Variants in CLOCK observed in about 807,000 individuals in gnomAD.
CLOCK encodes clock circadian regulator.
Under a neutral mutation model 118.4 loss-of-function variants are expected in CLOCK, and 43 were observed. The ratio of observed to expected loss-of-function variants is 0.36; its 90% CI spans 0.28 to 0.47. The LOEUF is 0.47. CLOCK is among the 20% of genes least tolerant of loss of function. The pLI is 1.00. For synonymous variants in CLOCK, 326 were observed against 339.2 expected, an observed-to-expected ratio of 0.96 and a Z score of 0.43; for missense variants, 846 against 999.9, an observed-to-expected ratio of 0.85 and a Z score of 2.08.
rs1169378612 is a variant in CLOCK at position 55,435,557 on chromosome 4, A to T, written c.2399T>A (p.Leu800His). Residue 800 changes from leucine (L) to histidine (H), a missense_variant, in exon 23 of 23, where the codon CTC (leucine) becomes CAC (histidine). This residue lies in a region of CLOCK where 520 missense variants were observed against 558.0 expected (regional missense o/e 0.93). Transcript: ENST00000513440. ...RLLHGNPSTQLILSAAFPLQQ... is the reference protein window; with the variant it reads ...RLLHGNPSTQHILSAAFPLQQ... Reference sequence around the variant, plus strand: ...TAGAGGAAATGCAGCAGAGAGAATGAGTTGAGTTGAGGGATTCCCATGGAG... The same window carrying T: ...TAGAGGAAATGCAGCAGAGAGAATGTGTTGAGTTGAGGGATTCCCATGGAG... 6.2e-7 allele frequency: 1 copy of T among 1,613,998 alleles called. No individual in the cohort carries two copies. The highest frequency in any genetic ancestry group is 1.1e-5 in the South Asian group (1 of 91,082).
chr4:55,494,263 GAA>G (rs1225644143), intron 2 of CLOCK, among the ~76,000 whole-genome samples: 1 of 152,154 alleles, frequency 6.6e-6, no homozygotes, highest in Admixed American at 6.5e-5. Context: ...CCAGCAGGAA[GAA>G]AGAGGGAGCC....
In CLOCK at chr4:55,535,874, G is replaced by C. The variant is rs1475078258; in HGVS notation, c.-290+10908C>G. On this transcript the variant is annotated intron_variant, in intron 1 of 22. Transcript: ENST00000513440. ...TATTTTAAAGGTATTTAGATGACCAGTATCTGTCTTTTCCCTGGGAGTATT... is the reference window on the plus strand; with the variant it reads ...TATTTTAAAGGTATTTAGATGACCACTATCTGTCTTTTCCCTGGGAGTATT... Among the ~76,000 whole-genome samples the C allele has an allele frequency of 2.0e-5, 3 of 151,356 alleles. No homozygotes were observed. The South Asian group carries it at 6.3e-4, about 32-fold the overall frequency.
At chr4:55,488,886 T>C (rs2109939408) in intron 3 of CLOCK, among the ~76,000 whole-genome samples, 1 of 152,204 alleles carries the variant, frequency 6.6e-6, no homozygotes, top group East Asian at 1.9e-4. Context: ...GCATACGTCA[T>C]CATGCCCAGC....
chr4:55,502,124 T>C (rs1728486381), intron 2 of CLOCK, among the ~76,000 whole-genome samples: 2 of 152,178 alleles, frequency 1.3e-5, no homozygotes, highest in Admixed American at 6.5e-5. Flanking sequence ...GTCTCAACAC[T>C]GAAAAACATC....
At chr4:55,483,596 GA>G (rs1560449341) in intron 3 of CLOCK, among the ~76,000 whole-genome samples, 1 of 152,178 alleles carries the variant, frequency 6.6e-6, no homozygotes, top group African/African-American at 2.4e-5. Context: ...GACAGAAACA[GA>G]TAATAGGTGA....
rs1440514530 is a variant in CLOCK, at chr4:55,429,745, C to T, written c.*5670G>A. ...GGGGAAGTAATCACACAAAAAGTGC[C>T]CATAAAACAAAGAAGGCAGCAAGTG... On this transcript the variant is annotated 3_prime_UTR_variant, in exon 23 of 23. Transcript: ENST00000513440. 3 of 152,066 alleles carry T rather than the reference C, an allele frequency of 2.0e-5. No individual in the cohort carries two copies. The highest frequency in any genetic ancestry group is 7.2e-5 in the African/African-American group (3 of 41,392). The allele number at this position is 152,066 out of a possible 1,614,324, so 9.4% of individuals were successfully genotyped here.
intron 19 of CLOCK, 88 bp from the exon 20 acceptor site, chr4:55,443,984 G>T: frequency 8.2e-7 from 1 of 1,222,924 alleles, no homozygotes; most frequent in Non-Finnish European, 1.2e-6. Flanking sequence ...AAGCTACAAA[G>T]TATGTTTAAA....
intron 1 of CLOCK, among the ~76,000 whole-genome samples, chr4:55,519,101 G>C (rs1226858202): frequency 6.6e-6 from 1 of 152,072 alleles, no homozygotes; most frequent in Non-Finnish European, 1.5e-5. Context: ...GCCCAGGCTG[G>C]AGTGCAATGG....
Position 55,463,670 on chromosome 4 carries a change from A to G in CLOCK, c.559+15T>C, listed in dbSNP as rs1218455758. The G allele has an allele frequency of 6.2e-7, 1 of 1,612,728 alleles. No homozygotes were observed. The highest frequency in any genetic ancestry group is 1.1e-5 in the South Asian group (1 of 91,046). ...ATACAACATTTGACTTTTTTGCTTA[A>G]CAGCTACTACTTACATTTTAAATAT... On this transcript the variant is annotated intron_variant, in intron 9 of 22. Transcript: ENST00000513440.
chr4:55,429,161 T>G lies in CLOCK; in HGVS notation c.*6254A>C, dbSNP rs992628163. ...ACTCAAAAACACACATTATAAACAT[T>G]TGAATGTCATTTTTAAAAGCGATGT... On this transcript the variant is annotated 3_prime_UTR_variant, in exon 23 of 23. Transcript: ENST00000513440. 3 of 147,540 alleles carry G rather than the reference T, an allele frequency of 2.0e-5. No individual in the cohort carries two copies. Among genetic ancestry groups the G allele is most frequent in the African/African-American group, 7.5e-5 (3 of 40,074 alleles). 9.1% of individuals were successfully genotyped at this position (147,540 alleles called of 1,614,324 possible). A position where few individuals can be genotyped will look rare whatever the true frequency, so the allele number is the denominator to read the frequency against.
Position 55,442,427 on chromosome 4 carries a change from A to G in CLOCK, c.2105+5T>C, listed in dbSNP as rs763022112. ...TAAAAATAACAAATGAAATATGACA[A>G]CTACCTTATCTGCCTGTCCTGAGTG... On this transcript the variant is annotated splice_donor_5th_base_variant and intron_variant, in intron 21 of 22. Transcript: ENST00000513440. 3 of 1,607,982 alleles carry G rather than the reference A, an allele frequency of 1.9e-6. No homozygotes were observed. The highest frequency in any genetic ancestry group is 4.5e-5 in the East Asian group (2 of 44,768).
At chr4:55,455,702 T>C (rs563883516) in intron 13 of CLOCK, among the ~76,000 whole-genome samples, 195 bp downstream of exon 13, 127 of 152,322 alleles carry the variant, frequency 8.3e-4, no homozygotes, top group African/African-American at 2.9e-3. Flanking sequence ...ATTCTACTTA[T>C]TATAAAAATA....
chr4:55,507,071 T>C (rs1728853810), intron 2 of CLOCK, among the ~76,000 whole-genome samples: 1 of 152,104 alleles, frequency 6.6e-6, no homozygotes, highest in South Asian at 2.1e-4. Flanking sequence ...CACAGCACTT[T>C]GGGAGGCTGA....
At chr4:55,497,514 A>G (rs2109975379) in intron 2 of CLOCK, among the ~76,000 whole-genome samples, 1 of 152,302 alleles carries the variant, frequency 6.6e-6, no homozygotes, top group East Asian at 1.9e-4. Context: ...TTTGGCAAAG[A>G]CAAAATCAAA....
At chr4:55,483,309 G>A (rs186424438) in intron 3 of CLOCK, among the ~76,000 whole-genome samples, 1 of 152,118 alleles carries the variant, frequency 6.6e-6, no homozygotes, top group Admixed American at 6.5e-5. Flanking sequence ...GTATAATGAA[G>A]GTATATACTG....
intron 1 of CLOCK, among the ~76,000 whole-genome samples, chr4:55,535,537 T>C (rs921733846): frequency 5.9e-5 from 9 of 152,110 alleles, no homozygotes; most frequent in African/African-American, 1.9e-4. Flanking sequence ...TCACATCCTA[T>C]CTCTGCAAAA....
At chr4:55,442,676 A>G in intron 20 of CLOCK, 42 bp from the exon 21 acceptor site, 1 of 1,515,746 alleles carries the variant, frequency 6.6e-7, no homozygotes, top group Admixed American at 1.7e-5. Context: ...TTAACTGAAA[A>G]TAATTATTTG....
intron 17 of CLOCK, 69 bp from the exon 18 acceptor site, chr4:55,448,937 A>T (rs1724183470): frequency 8.6e-7 from 1 of 1,159,222 alleles, no homozygotes; most frequent in South Asian, 1.3e-5. Flanking sequence ...CAGCAGAAAT[A>T]TCAATATGAT....
intron 18 of CLOCK, among the ~76,000 whole-genome samples, 165 bp downstream of exon 18, chr4:55,448,614 G>GCA (rs1371513798): frequency 8.4e-6 from 1 of 118,998 alleles, no homozygotes; most frequent in African/African-American, 4.0e-5. Context: ...GTGTGTGTGT[G>GCA]TGTGTGTGTG....
Sources: gnomAD v4.1 joint callset for allele counts (sites outside exome capture counted in the v4.1 genomes callset) on GRCh38, gnomAD v4.1.1 for gene constraint, gnomAD v4.1.1 regional missense constraint, MANE v1.5 for transcripts, NCBI Gene and HGNC (gene_info 2026-07-23, HGNC 2026-07-21) for gene names.